The following DYSF variants were observed in gnomAD, a reference collection of about 807,000 sequenced individuals.
DYSF encodes the protein dystrophy-associated fer-1-like 1.
A neutral mutation model predicts 274.9 loss-of-function variants in DYSF; 212 were observed. The observed-to-expected ratio is 0.77, with a 90% CI of 0.69 to 0.86. The LOEUF is 0.86. Among genes scored for constraint, DYSF ranks in the 40% least tolerant of loss-of-function variants. The pLI, the probability that DYSF is intolerant of heterozygous loss-of-function variation, is 0.00. For missense variants in DYSF, 2,666 were observed against 2,783.2 expected (o/e 0.96, Z 0.95); for synonymous variants, 1,091 against 1,078.7 (o/e 1.01, Z -0.22).
intron 12 of DYSF, among the ~76,000 whole-genome samples, chr2:71,522,273 C>A (rs34874650): frequency 6.6e-6 from 1 of 151,508 alleles, no homozygotes; most frequent in South Asian, 2.1e-4. Context: ...CTGCATCCCC[C>A]TTTTTCCACT....
intron 36 of DYSF, 93 bp from the exon 37 acceptor site, chr2:71,611,152 C>T (rs533075487): frequency 1.1e-6 from 1 of 943,212 alleles, no homozygotes; most frequent in East Asian, 2.5e-5. Flanking sequence ...CTGCACTTGG[C>T]ATTTCTTTCT....
intron 41 of DYSF, among the ~76,000 whole-genome samples, chr2:71,621,547 G>A (rs2152896181): frequency 6.6e-6 from 1 of 151,586 alleles, no homozygotes; most frequent in African/African-American, 2.4e-5. Flanking sequence ...AAACAAAATT[G>A]GAATCATACT....
intron 36 of DYSF, among the ~76,000 whole-genome samples, chr2:71,605,359 C>T (rs1461364155): frequency 6.6e-6 from 1 of 152,230 alleles, no homozygotes; most frequent in African/African-American, 2.4e-5. Flanking sequence ...AGAATGTGTG[C>T]ATGCACGTGT....
In DYSF at chr2:71,515,120, G is replaced by A. The variant is rs936124878; in HGVS notation, c.760-503G>A. On this transcript the variant is annotated intron_variant, in intron 7 of 55. Coordinates refer to ENST00000410020, the MANE Select transcript of DYSF (RefSeq NM_001130987.2). ...AATATTTGGAAGCATAGACGTTCTT[G>A]AAGTCTTCATTTACTTACAGCTCAA... 5.9e-5 allele frequency among the ~76,000 whole-genome samples: 9 copies of A among 152,294 alleles called. No homozygotes were observed. The South Asian group carries it at 1.9e-3, about 32-fold the overall frequency.
intron 35 of DYSF, among the ~76,000 whole-genome samples, chr2:71,601,755 C>A (rs1291093930): frequency 6.6e-6 from 1 of 152,218 alleles, no homozygotes; most frequent in African/African-American, 2.4e-5. Flanking sequence ...CACAGAATCC[C>A]AGATGGAAGG....
chr2:71,572,631 A>T (rs1282922222), intron 29 of DYSF, among the ~76,000 whole-genome samples: 1 of 152,242 alleles, frequency 6.6e-6, no homozygotes, highest in Non-Finnish European at 1.5e-5. Flanking sequence ...CACAACTCGG[A>T]ACACCACAGA....
At chr2:71,611,774 C>T in intron 38 of DYSF, 148 bp downstream of exon 38, 2 of 1,105,552 alleles carry the variant, frequency 1.8e-6, no homozygotes, top group Admixed American at 2.1e-5. Flanking sequence ...GAGAAATGCT[C>T]ATACCCTCCT....
rs115765100 is a variant in DYSF, at chr2:71,563,141, T to C, written c.2410-917T>C. On this transcript the variant is annotated intron_variant, in intron 23 of 55. Coordinates refer to ENST00000410020, the MANE Select transcript of DYSF (RefSeq NM_001130987.2). Reference sequence around the variant, plus strand: ...CTAACAAGTTCCTGGAAGCTGCTGCTGCTGTGGGTGCCACACTTTGAGAAC... The same window carrying C: ...CTAACAAGTTCCTGGAAGCTGCTGCCGCTGTGGGTGCCACACTTTGAGAAC... Among the ~76,000 whole-genome samples the C allele has an allele frequency of 5.1e-3, 772 of 152,344 alleles. 3 individuals carry two copies. The highest frequency in any genetic ancestry group is 8.2e-3 in the Non-Finnish European group (555 of 68,024).
chr2:71,664,160 G>T (rs1573051367), intron 45 of DYSF, 108 bp from the exon 46 acceptor site: 2 of 1,405,802 alleles, frequency 1.4e-6, no homozygotes, highest in Non-Finnish European at 2.0e-6. Context: ...ATCTGTAGGG[G>T]GCCCAAGGAA....
intron 14 of DYSF, among the ~76,000 whole-genome samples, chr2:71,530,265 C>T (rs1385130318): frequency 1.3e-5 from 2 of 152,242 alleles, no homozygotes; most frequent in Non-Finnish European, 2.9e-5. Context: ...CCACTTGACA[C>T]TTGGGGGAAT....
At chr2:71,483,472 A>C (rs2083102317) in intron 3 of DYSF, among the ~76,000 whole-genome samples, 1 of 152,026 alleles carries the variant, frequency 6.6e-6, no homozygotes, top group South Asian at 2.1e-4. Flanking sequence ...CCAGAAGGGG[A>C]GGGTATTCCA....
Position 71,659,058 on chromosome 2 carries a change from C to A in DYSF, c.4911+25C>A, listed in dbSNP as rs139167338. ...GGTAACTTTCCTAGAGCCCTCACCT[C>A]CCCCAGAGTAGCAGGCTCAGGTACA... On this transcript the variant is annotated intron_variant, in intron 44 of 55. Coordinates refer to ENST00000410020, the MANE Select transcript of DYSF (RefSeq NM_001130987.2). 1,064 of 1,613,974 alleles carry A rather than the reference C, an allele frequency of 6.6e-4. 9 individuals carry two copies. In the African/African-American group the frequency reaches 0.012, roughly 18 times the overall value.
At chr2:71,464,585 A>G (rs1216308778), upstream of DYSF, among the ~76,000 whole-genome samples, 1 of 152,166 alleles carries the variant, frequency 6.6e-6, no homozygotes, top group Non-Finnish European at 1.5e-5. Flanking sequence ...GAAGGCTAGC[A>G]TGGGTCCTGG....
At chr2:71,460,320 ATC>A (rs1159796464) in intron 1 of DYSF, among the ~76,000 whole-genome samples, 1 of 152,172 alleles carries the variant, frequency 6.6e-6, no homozygotes, top group East Asian at 1.9e-4. Flanking sequence ...TTAAGGACAT[ATC>A]CAGGCAGTTA....
At chr2:71,637,768 G>T (rs539182677) in intron 41 of DYSF, among the ~76,000 whole-genome samples, 1 of 152,200 alleles carries the variant, frequency 6.6e-6, no homozygotes, top group African/African-American at 2.4e-5. Flanking sequence ...AGGGCAAGGG[G>T]GTAAACAAAG....
At chr2:71,570,986 A>T (rs2092388507) in intron 29 of DYSF, 1 of 567,736 alleles carries the variant, frequency 1.8e-6, no homozygotes, top group East Asian at 3.1e-5. Flanking sequence ...CACACCCAGC[A>T]CACAGATCAC....
At chr2:71,537,277 G>T (rs137986467) in intron 16 of DYSF, among the ~76,000 whole-genome samples, 2,997 of 125,882 alleles carry the variant, frequency 0.024, 50 homozygotes, top group African/African-American at 0.057. Flanking sequence ...ATGGAGTTTC[G>T]CTCTTGTCAC....
At chr2:71,583,978 G>A (rs749372970) in intron 30 of DYSF, among the ~76,000 whole-genome samples, 27 of 152,238 alleles carry the variant, frequency 1.8e-4, no homozygotes, top group South Asian at 6.2e-4. Flanking sequence ...GGGCAGCAGC[G>A]GGTTGGAGGC....
Position 71,480,899 on chromosome 2 carries a change from C to A in DYSF, c.108C>A (p.Thr36=). Reference sequence around the variant, plus strand: ...CTCTTGTAGGGGTGAAGAAGAGAACCAAAGTCATCAAGAACAGCGTGAACC... The same window carrying A: ...CTCTTGTAGGGGTGAAGAAGAGAACAAAAGTCATCAAGAACAGCGTGAACC... ...SLTFRGVKKR[T]KVIKNSVNPV... Residue 36 remains threonine (T), a synonymous_variant, in exon 2 of 56, where the codon ACC becomes ACA. Coordinates refer to ENST00000410020, the MANE Select transcript of DYSF (RefSeq NM_001130987.2). 1.2e-6 allele frequency: 2 copies of A among 1,614,086 alleles called. No homozygotes were observed. The highest frequency in any genetic ancestry group is 1.7e-6 in the Non-Finnish European group (2 of 1,179,968).
Sources: gnomAD v4.1 joint callset for allele counts (sites outside exome capture counted in the v4.1 genomes callset) on GRCh38, gnomAD v4.1.1 for gene constraint, MANE v1.5 for transcripts, NCBI Gene and HGNC (gene_info 2026-07-23, HGNC 2026-07-21) for gene names.